The following MICALL1 variants were observed in gnomAD, a reference collection of about 807,000 sequenced individuals.
MICALL1 encodes MICAL like 1, also known as MICAL-like protein 1.
Under a neutral mutation model 83.7 loss-of-function variants are expected in MICALL1, and 61 were observed. The observed-to-expected ratio is 0.73, with a 90% CI of 0.59 to 0.90. MICALL1 has a LOEUF of 0.90. MICALL1 is among the 40% of genes least tolerant of loss of function. The pLI, the probability that MICALL1 is intolerant of heterozygous loss-of-function variation, is 0.00. For synonymous variants in MICALL1, 481 were observed against 473.6 expected, an observed-to-expected ratio of 1.02 and a Z score of -0.20; for missense variants, 1,066 against 1,152.0, an observed-to-expected ratio of 0.93 and a Z score of 1.08.
At chr22:37,916,266 C>G (rs1195543785) in intron 3 of MICALL1, among the ~76,000 whole-genome samples, 3 of 152,212 alleles carry the variant, frequency 2.0e-5, no homozygotes, top group Admixed American at 1.3e-4. Flanking sequence ...TTGTGGCAGA[C>G]AGTCCTTTGT....
chr22:37,911,962 T>G lies in MICALL1; in HGVS notation c.157T>G (p.Ser53Ala), dbSNP rs1219709906. Residue 53 changes from serine to alanine, a missense_variant, in exon 2 of 16, where the codon TCG becomes GCG. Physicochemically the swap from Ser to Ala is moderately conservative, Grantham distance 99. Coordinates refer to ENST00000215957, the MANE Select transcript of MICALL1 (RefSeq NM_033386.4). ...RHRPDLLDFD[S>A]LSKDNVFENN... The stretch of plus-strand genomic sequence containing the variant: ...CTTTGCCTCTTGCAGAGATTTTGAT[T>G]CGCTTTCCAAGGACAATGTCTTCGA... 1.2e-6 allele frequency: 2 copies of G among 1,614,056 alleles called. No individual in the cohort carries two copies. The highest frequency in any genetic ancestry group is 1.7e-6 in the Non-Finnish European group (2 of 1,180,038).
intron 3 of MICALL1, among the ~76,000 whole-genome samples, chr22:37,915,672 G>A (rs1440826726): frequency 6.9e-6 from 1 of 144,326 alleles, no homozygotes; most frequent in Non-Finnish European, 1.5e-5. Flanking sequence ...TTGAGACAGA[G>A]TCTCGCTGTG....
At position 37,924,545 on chromosome 22, in the gene MICALL1, A is replaced by T. The variant is rs1929297940; in HGVS notation, c.1025-115A>T. ...CCATGGGCTGGCCTGGGGAGGTGCGAGGGTGCCAGGAGGAAGGCGGGGCGC... is the reference window on the plus strand; with the variant it reads ...CCATGGGCTGGCCTGGGGAGGTGCGTGGGTGCCAGGAGGAAGGCGGGGCGC... On this transcript the variant is annotated intron_variant, in intron 6 of 15. Coordinates refer to ENST00000215957, the MANE Select transcript of MICALL1 (RefSeq NM_033386.4). This position sits in a 1 kb window ranked among gnomAD's most constrained non-coding sequence, Gnocchi z 5.2. 2 of 975,620 alleles carry T rather than the reference A, an allele frequency of 2.0e-6. No homozygotes were observed. Among genetic ancestry groups the T allele is most frequent in the South Asian group, 3.1e-5 (2 of 65,470 alleles). The allele number at this position is 975,620 out of a possible 1,614,324, so 60.4% of individuals were successfully genotyped here. A position where few individuals can be genotyped will look rare whatever the true frequency, so the allele number is the denominator to read the frequency against.
intron 3 of MICALL1, among the ~76,000 whole-genome samples, chr22:37,915,529 G>T (rs1928621514): frequency 1.3e-5 from 2 of 152,048 alleles, no homozygotes. Context: ...TAACCACTCT[G>T]CCTCAGTTTC....
Position 37,922,191 on chromosome 22 carries a change from AG to A in MICALL1, c.793del (p.Ala265LeufsTer76). On this transcript the variant is annotated frameshift_variant, in exon 6 of 16. Coordinates refer to ENST00000215957, the MANE Select transcript of MICALL1 (RefSeq NM_033386.4). LOFTEE classifies it high-confidence loss of function. ...GGGPSSSAPA[G>X]AEADGPKASP... ...GCGGCCCCAGCTCCAGTGCTCCTGCAGGGGCTGAGGCCGATGGACCCAAGGC... is the reference window on the plus strand; with the variant it reads ...GCGGCCCCAGCTCCAGTGCTCCTGCAGGGCTGAGGCCGATGGACCCAAGGC... 1 of 1,612,532 alleles carries A rather than the reference AG, an allele frequency of 6.2e-7. No individual in the cohort carries two copies. The highest frequency in any genetic ancestry group is 8.5e-7 in the Non-Finnish European group (1 of 1,179,826).
chr22:37,919,050 C>T lies in MICALL1; in HGVS notation c.441C>T (p.Ser147=). 1 of 1,551,502 alleles carries T rather than the reference C, an allele frequency of 6.4e-7. No homozygotes were observed. The highest frequency in any genetic ancestry group is 1.2e-5 in the South Asian group (1 of 84,132). The part of the protein sequence containing the change: ...PEDVAQGEEL[S]SGSLSEQGTG... ...GTTCTCTGCAGGGCGAGGAGCTCTC[C>T]TCAGGCAGCCTGTCAGAGCAGGGCA... Residue 147 remains serine (S), a synonymous_variant, in exon 5 of 16, where the codon TCC becomes TCT. Transcript: ENST00000215957.
Position 37,906,482 on chromosome 22 carries a change from C to T in MICALL1, c.60C>T (p.Arg20=). 8.0e-7 allele frequency: 1 copy of T among 1,250,566 alleles called. No homozygotes were observed. The highest frequency in any genetic ancestry group is 1.0e-6 in the Non-Finnish European group (1 of 986,514). The allele number at this position is 1,250,566 out of a possible 1,614,324, so 77.5% of individuals were successfully genotyped here. A position where few individuals can be genotyped will look rare whatever the true frequency, so the allele number is the denominator to read the frequency against. The part of the protein sequence containing the change: ...AWCRRQCEGY[R]GVEIRDLSSS... ...GCCGCCGCCAGTGCGAGGGCTACCG[C>T]GGCGTGGAGATCCGCGACCTGAGCA... is the stretch of plus-strand genomic sequence containing the variant. The change falls in exon 1 of 16, where the codon CGC becomes CGT. Residue 20 remains arginine (R), a synonymous_variant. Coordinates refer to ENST00000215957, the MANE Select transcript of MICALL1 (RefSeq NM_033386.4). This position sits in a 1 kb window ranked among gnomAD's most constrained non-coding sequence, Gnocchi z 4.4.
intron 8 of MICALL1, among the ~76,000 whole-genome samples, chr22:37,926,278 A>G (rs1929432935): frequency 6.6e-6 from 1 of 152,216 alleles, no homozygotes; most frequent in Admixed American, 6.5e-5. Context: ...CTCAGTGCTT[A>G]AGCAGGAGAG....
Position 37,932,502 on chromosome 22 carries a change from C to T in MICALL1, c.2017-51C>T. 4.4e-6 allele frequency: 7 copies of T among 1,605,796 alleles called. No individual in the cohort carries two copies. The highest frequency in any genetic ancestry group is 6.0e-6 in the Non-Finnish European group (7 of 1,174,966). ...ATGCTGGCCAGAGAAGAGGGCAAGGCTCCTGGCAGCAACCAGGCAGGCCGT... is the reference window on the plus strand; with the variant it reads ...ATGCTGGCCAGAGAAGAGGGCAAGGTTCCTGGCAGCAACCAGGCAGGCCGT... On this transcript the variant is annotated intron_variant, in intron 10 of 15. Coordinates refer to ENST00000215957, the MANE Select transcript of MICALL1 (RefSeq NM_033386.4). The surrounding 1 kb of genome is among the most constrained non-coding windows in gnomAD (Gnocchi z 4.4).
chr22:37,934,928 ATTTATT>A (rs2145947924), intron 13 of MICALL1, among the ~76,000 whole-genome samples: 1 of 133,110 alleles, frequency 7.5e-6, no homozygotes, highest in African/African-American at 2.8e-5. Flanking sequence ...TTATTTATTT[ATTTATT>A]TTTATTTTAT....
In MICALL1 at chr22:37,932,079, A is replaced by G. The variant is rs1929820842; in HGVS notation, c.2016+146A>G. 8.1e-6 allele frequency: 10 copies of G among 1,237,448 alleles called. No homozygotes were observed. In the South Asian group the frequency reaches 1.1e-4, roughly 13 times the overall value. 76.7% of individuals were successfully genotyped at this position (1,237,448 alleles called of 1,614,324 possible). On this transcript the variant is annotated intron_variant, in intron 10 of 15. Transcript: ENST00000215957. This position sits in a 1 kb window ranked among gnomAD's most constrained non-coding sequence, Gnocchi z 4.4. Reference sequence around the variant, plus strand: ...TCAAGAGAGCACTCTTGGCGGCCCAACTGGAAGGTCTAGCTTGCAGCCTGG... The same window carrying G: ...TCAAGAGAGCACTCTTGGCGGCCCAGCTGGAAGGTCTAGCTTGCAGCCTGG...
At chr22:37,917,571 C>A in intron 3 of MICALL1, 136 bp from the exon 4 acceptor site, 1 of 730,984 alleles carries the variant, frequency 1.4e-6, no homozygotes, top group Non-Finnish European at 2.3e-6. Context: ...GAAGCGGGAG[C>A]CAGCTCCTGT....
chr22:37,918,218 A>G (rs2145898549), intron 4 of MICALL1, among the ~76,000 whole-genome samples: 1 of 152,288 alleles, frequency 6.6e-6, no homozygotes, highest in East Asian at 1.9e-4. Flanking sequence ...TCAACAACCC[A>G]GGGAGGTCAG....
At chr22:37,934,714 A>G (rs1929995709) in intron 13 of MICALL1, among the ~76,000 whole-genome samples, 1 of 148,790 alleles carries the variant, frequency 6.7e-6, no homozygotes, top group Non-Finnish European at 1.5e-5. Flanking sequence ...TTCCTGCCTG[A>G]GCCTCCCAAG....
At chr22:37,916,123 C>T (rs546679992) in intron 3 of MICALL1, among the ~76,000 whole-genome samples, 2 of 152,124 alleles carry the variant, frequency 1.3e-5, no homozygotes, top group African/African-American at 4.8e-5. Context: ...GTTGGTGGTA[C>T]GCAGCTCATT....
chr22:37,927,492 C>T lies in MICALL1; in HGVS notation c.1547C>T (p.Ser516Phe). 6.2e-7 allele frequency: 1 copy of T among 1,612,274 alleles called. No homozygotes were observed. Among genetic ancestry groups the T allele is most frequent in the Non-Finnish European group, 8.5e-7 (1 of 1,178,616 alleles). ...GCGCTCAGCGTGGAGAGCCTGTCGT[C>T]TGAGAGCGCCAGCCAGACTGCAGGT... ...SPALSVESLS[S>F]ESASQTAGAE... is the part of the protein sequence containing the mutation. The change falls in exon 9 of 16, where the codon TCT (serine) becomes TTT (phenylalanine). Residue 516 changes from serine to phenylalanine, a missense_variant. Ser to Phe is a radical substitution (Grantham distance 155). Coordinates refer to ENST00000215957, the MANE Select transcript of MICALL1 (RefSeq NM_033386.4).
intron 5 of MICALL1, 135 bp from the exon 6 acceptor site, chr22:37,921,837 T>A (rs1470028057): frequency 2.8e-6 from 2 of 716,320 alleles, no homozygotes; most frequent in Non-Finnish European, 4.5e-6. Context: ...CTGGGAAGTC[T>A]AGGGTATGGA....
chr22:37,922,800 T>TTTG (rs1303626690), intron 6 of MICALL1, among the ~76,000 whole-genome samples: 3 of 137,792 alleles, frequency 2.2e-5, no homozygotes, highest in African/African-American at 8.2e-5. Context: ...TTTTTTGTTT[T>TTTG]TTTTTTTTTT....
At chr22:37,937,620 C>T (rs1021161337) in intron 14 of MICALL1, 126 bp from the exon 15 acceptor site, 88 of 891,874 alleles carry the variant, frequency 9.9e-5, no homozygotes, top group Non-Finnish European at 1.4e-4. Context: ...GATGGGGTTT[C>T]ACCATGTTGG....
Sources: gnomAD v4.1 joint callset for allele counts (sites outside exome capture counted in the v4.1 genomes callset) on GRCh38, gnomAD v4.1.1 for gene constraint, Gnocchi (gnomAD v3.1) non-coding constraint, MANE v1.5 for transcripts, NCBI Gene and HGNC (gene_info 2026-07-23, HGNC 2026-07-21) for gene names.